Variants in SLC38A2 observed in about 807,000 individuals in gnomAD.
SLC38A2 encodes sodium-coupled neutral amino acid symporter 2.
SLC38A2 carries 11 observed loss-of-function variants against 61.5 expected under a neutral mutation model. That is an observed-to-expected ratio of 0.18 (90% CI 0.11 to 0.30). The LOEUF (loss-of-function observed/expected upper bound fraction) is 0.30, where lower values mean the gene tolerates loss of function less well. Among genes scored for constraint, SLC38A2 ranks in the 10% least tolerant of loss-of-function variants. SLC38A2 has a pLI of 1.00. For missense variants in SLC38A2, 522 were observed against 600.4 expected, an observed-to-expected ratio of 0.87 and a Z score of 1.36; for synonymous variants, 217 against 212.5, an observed-to-expected ratio of 1.02 and a Z score of -0.18.
chr12:46,365,338 G>A lies in SLC38A2; in HGVS notation c.564-149C>T. On this transcript the variant is annotated intron_variant, in intron 7 of 15. Coordinates refer to ENST00000256689, the MANE Select transcript of SLC38A2 (RefSeq NM_018976.5). ...GAAAAAGTTTCCCCTGTTCAAGATAGGAATAACTTTTTAATTTTGTGTGCT... is the reference window on the plus strand; with the variant it reads ...GAAAAAGTTTCCCCTGTTCAAGATAAGAATAACTTTTTAATTTTGTGTGCT... 3 of 685,832 alleles carry A rather than the reference G, an allele frequency of 4.4e-6. 1 individual carries two copies. The South Asian group carries it at 5.2e-5, about 12-fold the overall frequency. 42.5% of individuals were successfully genotyped at this position (685,832 alleles called of 1,614,324 possible). A position where few individuals can be genotyped will look rare whatever the true frequency, so the allele number is the denominator to read the frequency against.
chr12:46,366,269 A>T (rs1943137751), intron 7 of SLC38A2, among the ~76,000 whole-genome samples: 1 of 152,174 alleles, frequency 6.6e-6, no homozygotes, highest in African/African-American at 2.4e-5. Context: ...AGTATCTTGG[A>T]GATGGCACTG....
rs542434184 is a variant in SLC38A2, at chr12:46,371,393, G to A, written c.-86-14C>T. 1.6e-5 allele frequency: 15 copies of A among 955,690 alleles called. No homozygotes were observed. The South Asian group carries it at 1.8e-4, about 12-fold the overall frequency. 59.2% of individuals were successfully genotyped at this position (955,690 alleles called of 1,614,324 possible). ...CCGCGAGTCGGCCTGCGAAAGTAGA[G>A]GCGGCGCGTCAGGACCGCAGCGCCA... On this transcript the variant is annotated splice_polypyrimidine_tract_variant and intron_variant, in intron 1 of 15. Coordinates refer to ENST00000256689, the MANE Select transcript of SLC38A2 (RefSeq NM_018976.5).
At chr12:46,368,967 CTAAATA>C (rs556033491) in intron 4 of SLC38A2, among the ~76,000 whole-genome samples, 490 of 152,268 alleles carry the variant, frequency 3.2e-3, no homozygotes, top group African/African-American at 0.011. Context: ...CTCTATACCT[CTAAATA>C]TAAAGTAAGT....
intron 4 of SLC38A2, among the ~76,000 whole-genome samples, chr12:46,369,124 G>C (rs1030113874): frequency 1.3e-5 from 2 of 152,172 alleles, no homozygotes; most frequent in African/African-American, 2.4e-5. Flanking sequence ...ATGAAACAGA[G>C]GTGCCATTTA....
intron 2 of SLC38A2, 32 bp downstream of exon 2, chr12:46,371,146 C>T (rs1332544411): frequency 1.3e-6 from 2 of 1,589,110 alleles, no homozygotes; most frequent in African/African-American, 1.3e-5. Flanking sequence ...CCATGCAAGC[C>T]GTTTTTTCAA....
chr12:46,368,707 C>A (rs1273034664), intron 4 of SLC38A2, among the ~76,000 whole-genome samples: 2 of 152,200 alleles, frequency 1.3e-5, no homozygotes, highest in Admixed American at 1.3e-4. Context: ...ATTCTAAATG[C>A]CAGAAGTTTT....
chr12:46,362,611 A>G lies in SLC38A2; in HGVS notation c.1207T>C (p.Cys403Arg). ...PIRSSVTHLL[C>R]ASKDFSWWRH... ...CACCAACTGAAATCTTTTGATGCAC[A>G]CAACAAGTGAGTTACAGAACTCCGG... Residue 403 changes from cysteine to arginine, a missense_variant, in exon 14 of 16, where the codon TGT becomes CGT. Cys to Arg is a radical substitution (Grantham distance 180, BLOSUM62 -3). Around this residue, in one of 3 missense-constraint regions of SLC38A2, gnomAD observed 309 missense variants for 343.9 expected, o/e 0.90. Transcript: ENST00000256689. 6.3e-7 allele frequency: 1 copy of G among 1,581,836 alleles called. No individual in the cohort carries two copies. The highest frequency in any genetic ancestry group is 1.2e-5 in the South Asian group (1 of 83,340).
rs772020058 is a variant in SLC38A2, at chr12:46,370,519, G to C, written c.307C>G (p.Leu103Val). 2 of 1,611,688 alleles carry C rather than the reference G, an allele frequency of 1.2e-6. No homozygotes were observed. Among genetic ancestry groups the C allele is most frequent in the African/African-American group, 1.3e-5 (1 of 74,990 alleles). ...CTACTTACACATACTTACATAAAAA[G>C]AGCAATTCCAGTATTAGCCATGGCA... is the stretch of plus-strand genomic sequence containing the variant. ...SYAMANTGIALFIILLTFVSI... is the reference protein window; with the variant it reads ...SYAMANTGIAVFIILLTFVSI... Residue 103 changes from leucine to valine, a missense_variant, in exon 4 of 16, where the codon CTT becomes GTT. Physicochemically the swap from Leu to Val is conservative, Grantham distance 32. Around this residue, in one of 3 missense-constraint regions of SLC38A2, gnomAD observed 111 missense variants for 173.4 expected, o/e 0.64. Coordinates refer to ENST00000256689, the MANE Select transcript of SLC38A2 (RefSeq NM_018976.5).
At chr12:46,364,042 C>T (rs934946283) in intron 10 of SLC38A2, 39 bp from the exon 11 acceptor site, 17 of 1,504,502 alleles carry the variant, frequency 1.1e-5, no homozygotes, top group Non-Finnish European at 1.5e-5. Context: ...TCTGATGTAA[C>T]GAACTCATGC....
chr12:46,365,227 T>G, intron 7 of SLC38A2, 38 bp from the exon 8 acceptor site: 1 of 1,510,942 alleles, frequency 6.6e-7, no homozygotes, highest in Non-Finnish European at 9.2e-7. Flanking sequence ...CAGTCACAAA[T>G]ATCCTCTGAA....
At position 46,362,345 on chromosome 12, in the gene SLC38A2, G is replaced by A; in HGVS notation, c.1361C>T (p.Pro454Leu). 6.2e-7 allele frequency: 1 copy of A among 1,612,030 alleles called. No individual in the cohort carries two copies. Among genetic ancestry groups the A allele is most frequent in the Non-Finnish European group, 8.5e-7 (1 of 1,179,056 alleles). ...CACCAACTTGATATAGAAGGCAGAA[G>A]GAAGAATAAAAATCAACATAGAAGC... is the stretch of plus-strand genomic sequence containing the variant. ...SAASMLIFIL[P>L]SAFYIKLVKK... The change falls in exon 15 of 16, where the codon CCT becomes CTT. Residue 454 changes from proline to leucine, a missense_variant. Around this residue, in one of 3 missense-constraint regions of SLC38A2, gnomAD observed 309 missense variants for 343.9 expected, o/e 0.90. Coordinates refer to ENST00000256689, the MANE Select transcript of SLC38A2 (RefSeq NM_018976.5).
chr12:46,369,622 C>T (rs939010930), intron 4 of SLC38A2, among the ~76,000 whole-genome samples: 2 of 152,218 alleles, frequency 1.3e-5, no homozygotes, highest in Admixed American at 1.3e-4. Context: ...CAGGGGTCCA[C>T]GGGTACTTAA....
rs1305017191 is a variant in SLC38A2, at chr12:46,360,108, T to C, written c.*1003A>G. 1.3e-5 allele frequency: 2 copies of C among 152,614 alleles called. No homozygotes were observed. The highest frequency in any genetic ancestry group is 4.8e-5 in the African/African-American group (2 of 41,440). The allele number at this position is 152,614 out of a possible 1,614,324, so 9.5% of individuals were successfully genotyped here. On this transcript the variant is annotated 3_prime_UTR_variant, in exon 16 of 16. Transcript: ENST00000256689. ...TTGCCATCAAATGCCCATTTTCCAC[T>C]GCTGGAAGCAATGTCAAAAAAGGGC...
rs1241147231 is a variant in SLC38A2, at chr12:46,371,344, G to C, written c.-51C>G. The C allele has an allele frequency of 2.0e-6, 3 of 1,470,210 alleles. No homozygotes were observed. The Admixed American group carries it at 5.1e-5, about 25-fold the overall frequency. 91.1% of individuals were successfully genotyped at this position (1,470,210 alleles called of 1,614,324 possible). A position where few individuals can be genotyped will look rare whatever the true frequency, so the allele number is the denominator to read the frequency against. On this transcript the variant is annotated 5_prime_UTR_variant, in exon 2 of 16. Transcript: ENST00000256689. ...CAGCTAGTAGCGCTGGGCTCCTTTT[G>C]TCCTTGGCGGTGGGTGCAGCGGCCC...
chr12:46,365,705 C>G (rs986537306), intron 7 of SLC38A2, among the ~76,000 whole-genome samples: 1 of 151,972 alleles, frequency 6.6e-6, no homozygotes. Flanking sequence ...CTGCCCCCCC[C>G]ATAAAAAAAA....
chr12:46,371,087 C>T, intron 2 of SLC38A2, 91 bp downstream of exon 2: 1 of 1,098,960 alleles, frequency 9.1e-7, no homozygotes, highest in South Asian at 1.2e-5. Context: ...AATGCTATAG[C>T]AAATTAAAGC....
intron 7 of SLC38A2, among the ~76,000 whole-genome samples, chr12:46,365,706 A>G (rs1163898207): frequency 6.6e-6 from 1 of 151,898 alleles, no homozygotes; most frequent in African/African-American, 2.4e-5. Flanking sequence ...TGCCCCCCCC[A>G]TAAAAAAAAT....
chr12:46,363,644 CA>C (rs1170560312), intron 12 of SLC38A2, 81 bp downstream of exon 12: 1 of 798,580 alleles, frequency 1.3e-6, no homozygotes, highest in African/African-American at 1.7e-5. Context: ...GATGGAACTA[CA>C]CATAGAAAAC....
chr12:46,371,203 G>A lies in SLC38A2; in HGVS notation c.91C>T (p.Pro31Ser), dbSNP rs141905866. The change falls in exon 2 of 16, where the codon CCC (proline) becomes TCC (serine). Residue 31 changes from proline (P) to serine (S), a missense_variant. By Grantham distance (74) the Pro-to-Ser change is moderately conservative. Coordinates refer to ENST00000256689, the MANE Select transcript of SLC38A2 (RefSeq NM_018976.5). ...CTTTTCAGAGCAGCTTGCTTGGTGG[G>A]GTAGGAGTAGTTGAAGTCGCTGTTG... ...SSNSDFNYSY[P>S]TKQAALKSHY... 2.8e-5 allele frequency: 46 copies of A among 1,614,198 alleles called. No homozygotes were observed. The African/African-American group carries it at 6.0e-4, about 21-fold the overall frequency.
Sources: allele counts gnomAD v4.1 joint callset (sites outside exome capture counted in the v4.1 genomes callset), GRCh38; gene constraint gnomAD v4.1.1; regional missense constraint gnomAD v4.1.1; transcripts MANE v1.5; gene names NCBI Gene and HGNC (gene_info 2026-07-23, HGNC 2026-07-21).